PTPRT: variants seen among roughly 807,000 people sequenced by gnomAD.
PTPRT encodes the protein receptor-type tyrosine-protein phosphatase T.
A neutral mutation model predicts 176.8 loss-of-function variants in PTPRT; 56 were observed. The observed-to-expected ratio is 0.32, with a 90% CI of 0.26 to 0.40. PTPRT has a LOEUF of 0.40. PTPRT is among the 10% of genes least tolerant of loss of function. The pLI, the probability that PTPRT is intolerant of heterozygous loss-of-function variation, is 1.00. For synonymous variants in PTPRT, 783 were observed against 739.0 expected, an observed-to-expected ratio of 1.06 and a Z score of -0.96; for missense variants, 1,540 against 1,908.2, an observed-to-expected ratio of 0.81 and a Z score of 3.60.
intron 9 of PTPRT, among the ~76,000 whole-genome samples, chr20:42,445,052 G>A (rs190218754): frequency 1.5e-4 from 23 of 152,234 alleles, no homozygotes; most frequent in African/African-American, 4.8e-4. Flanking sequence ...CAAGGATCTT[G>A]TTAAACTGGA....
chr20:42,458,429 T>A (rs1303977299), intron 8 of PTPRT, among the ~76,000 whole-genome samples: 3 of 152,148 alleles, frequency 2.0e-5, no homozygotes, highest in African/African-American at 7.2e-5. Context: ...TCATTTTCCT[T>A]ACTTTAAAAT....
intron 12 of PTPRT, among the ~76,000 whole-genome samples, chr20:42,306,724 G>A (rs1281817207): frequency 2.0e-5 from 3 of 152,162 alleles, no homozygotes; most frequent in Non-Finnish European, 4.4e-5. Flanking sequence ...AGTTATAGAA[G>A]CATTGGAAGA....
chr20:42,678,923 A>G (rs1471056062), intron 6 of PTPRT, among the ~76,000 whole-genome samples: 1 of 152,214 alleles, frequency 6.6e-6, no homozygotes, highest in Non-Finnish European at 1.5e-5. Flanking sequence ...CCAAAAAGTG[A>G]TATGAGCCTA....
intron 7 of PTPRT, among the ~76,000 whole-genome samples, chr20:42,596,587 C>T (rs2073675015): frequency 6.6e-6 from 1 of 152,158 alleles, no homozygotes. Context: ...TAACAGAAAA[C>T]CTAATATCTA....
intron 1 of PTPRT, among the ~76,000 whole-genome samples, chr20:42,896,635 CA>C (rs58679220): frequency 0.086 from 6,225 of 72,300 alleles, 296 homozygotes; most frequent in African/African-American, 0.19. Context: ...AACTCCGTCT[CA>C]AAAAAAAAAA....
At chr20:42,744,416 T>C (rs754488896) in intron 6 of PTPRT, among the ~76,000 whole-genome samples, 2 of 152,142 alleles carry the variant, frequency 1.3e-5, no homozygotes, top group Non-Finnish European at 2.9e-5. Flanking sequence ...AAAAAGATAA[T>C]TGCTCAGCTT....
intron 9 of PTPRT, among the ~76,000 whole-genome samples, chr20:42,356,908 T>C (rs1356215259): frequency 1.3e-5 from 2 of 152,186 alleles, no homozygotes; most frequent in East Asian, 3.9e-4. Context: ...CCAGCTCTTC[T>C]GTCAGCCTGG....
In PTPRT at chr20:42,798,030, T is replaced by C. The variant is rs566336226; in HGVS notation, c.215-6564A>G. Reference sequence around the variant, plus strand: ...GGGGTTTCGGCCACTAAATTTGTGGTAATTTGTTACAGCAGCAATAGGAAA... The same window carrying C: ...GGGGTTTCGGCCACTAAATTTGTGGCAATTTGTTACAGCAGCAATAGGAAA... On this transcript the variant is annotated intron_variant, in intron 2 of 30. Transcript: ENST00000373187. 7.9e-5 allele frequency among the ~76,000 whole-genome samples: 12 copies of C among 152,298 alleles called. No homozygotes were observed. The South Asian group carries it at 2.5e-3, about 32-fold the overall frequency.
intron 11 of PTPRT, among the ~76,000 whole-genome samples, chr20:42,336,318 T>C (rs980770234): frequency 3.3e-5 from 5 of 152,144 alleles, no homozygotes; most frequent in Non-Finnish European, 2.9e-5. Flanking sequence ...AATAAATAGA[T>C]AATGTCTGCA....
At position 42,489,506 on chromosome 20, in the gene PTPRT, CTT is replaced by C. The variant is rs10708331; in HGVS notation, c.1154-16946_1154-16945del. On this transcript the variant is annotated intron_variant, in intron 7 of 30. Transcript: ENST00000373187. ...CTCGAGCATACCTAGCCTATCCTGA[CTT>C]TTTTTTTTTTAATTTATTTTATCCC... Among the ~76,000 whole-genome samples the C allele has an allele frequency of 7.7e-3, 1,133 of 147,258 alleles. 11 individuals are homozygous for C. Among genetic ancestry groups the C allele is most frequent in the African/African-American group, 0.026 (1,064 of 40,536 alleles).
At chr20:42,061,840 C>T in the PTPRT span, among the ~76,000 whole-genome samples, 7 of 152,240 alleles carry the variant, frequency 4.6e-5, no homozygotes, top group Admixed American at 6.5e-5. Flanking sequence ...TGCACGCTTG[C>T]GTGGTTGGGA....
At chr20:42,312,378 C>A (rs1389271940) in intron 12 of PTPRT, among the ~76,000 whole-genome samples, 1 of 152,186 alleles carries the variant, frequency 6.6e-6, no homozygotes, top group Non-Finnish European at 1.5e-5. Context: ...TCATTGTCTG[C>A]TGCCCTTTAT....
chr20:42,243,047 A>G (rs1301037507), intron 14 of PTPRT, among the ~76,000 whole-genome samples: 1 of 133,470 alleles, frequency 7.5e-6, no homozygotes, highest in African/African-American at 2.7e-5. Flanking sequence ...GGCAGAAAGG[A>G]AGGGAGGGAG....
intron 7 of PTPRT, among the ~76,000 whole-genome samples, chr20:42,648,806 T>G (rs1461366822): frequency 6.9e-6 from 1 of 145,878 alleles, no homozygotes. Flanking sequence ...GGGATTTTTT[T>G]TTTTGGTGTC....
In PTPRT at chr20:43,121,598, T is replaced by G. The variant is rs937726086; in HGVS notation, c.88+68048A>C. Reference sequence around the variant, plus strand: ...ATTCAGCACCTGTGCATATGCTTAGTGTCCATTTGAATATCCTCCCTGGTA... The same window carrying G: ...ATTCAGCACCTGTGCATATGCTTAGGGTCCATTTGAATATCCTCCCTGGTA... On this transcript the variant is annotated intron_variant, in intron 1 of 30. Coordinates refer to ENST00000373187, the MANE Select transcript of PTPRT (RefSeq NM_007050.6). Among the ~76,000 whole-genome samples the G allele has an allele frequency of 2.0e-5, 3 of 152,234 alleles. No homozygotes were observed. The East Asian group carries it at 5.8e-4, about 29-fold the overall frequency.
intron 6 of PTPRT, among the ~76,000 whole-genome samples, chr20:42,755,587 C>A (rs1232543492): frequency 7.4e-6 from 1 of 135,956 alleles, no homozygotes. Context: ...TTTTTTTTTG[C>A]AAAAGCAATA....
At chr20:42,211,054 C>T (rs1200633197) in intron 15 of PTPRT, among the ~76,000 whole-genome samples, 1 of 152,030 alleles carries the variant, frequency 6.6e-6, no homozygotes, top group Non-Finnish European at 1.5e-5. Flanking sequence ...GAAAGGATTC[C>T]CTCTCTAATA....
chr20:43,002,715 A>G (rs1471817437), intron 1 of PTPRT, among the ~76,000 whole-genome samples: 1 of 152,162 alleles, frequency 6.6e-6, no homozygotes, highest in Non-Finnish European at 1.5e-5. Context: ...CATGGAAAGT[A>G]GCCAAAGTAT....
At chr20:42,373,648 G>A (rs1394681196) in intron 9 of PTPRT, among the ~76,000 whole-genome samples, 1 of 152,190 alleles carries the variant, frequency 6.6e-6, no homozygotes, top group Non-Finnish European at 1.5e-5. Context: ...ACATATAGAG[G>A]CGTCTCATTC....
Sources: gnomAD v4.1 joint callset for allele counts (sites outside exome capture counted in the v4.1 genomes callset) on GRCh38, gnomAD v4.1.1 for gene constraint, MANE v1.5 for transcripts, NCBI Gene and HGNC (gene_info 2026-07-23, HGNC 2026-07-21) for gene names.